The following ZRANB1 variants were observed in gnomAD, a reference collection of about 807,000 sequenced individuals.
The protein encoded by ZRANB1 is zinc finger RANBP2-type containing 1.
A neutral mutation model predicts 80.5 loss-of-function variants in ZRANB1; 16 were observed. That is an observed-to-expected ratio of 0.20 (90% CI 0.13 to 0.30). ZRANB1 has a LOEUF of 0.30. Among genes scored for constraint, ZRANB1 ranks in the 10% least tolerant of loss-of-function variants. The probability of loss-of-function intolerance (pLI) is 1.00; values close to 1 mark genes in which losing one functional copy is unlikely to be tolerated. For missense variants in ZRANB1, 576 were observed against 862.6 expected (o/e 0.67, Z 4.16); for synonymous variants, 291 against 293.1 (o/e 0.99, Z 0.07).
At chr10:124,978,699 C>G (rs987271848) in intron 5 of ZRANB1, among the ~76,000 whole-genome samples, 1 of 151,886 alleles carries the variant, frequency 6.6e-6, no homozygotes, top group African/African-American at 2.4e-5. Flanking sequence ...GATCTTGGCT[C>G]ACTGTAACCT....
At chr10:124,927,826 C>G in the ZRANB1 span, among the ~76,000 whole-genome samples, 1 of 152,180 alleles carries the variant, frequency 6.6e-6, no homozygotes, top group East Asian at 1.9e-4. Flanking sequence ...CACTTGAGGC[C>G]AGGAGTTGGA....
intron 8 of ZRANB1, among the ~76,000 whole-genome samples, chr10:124,984,068 G>A (rs923533762): frequency 6.6e-5 from 10 of 152,120 alleles, no homozygotes; most frequent in African/African-American, 2.4e-4. Flanking sequence ...AGGGAGGAAG[G>A]GAGAAGAGGT....
At chr10:124,980,848 A>G (rs1406408722) in intron 5 of ZRANB1, among the ~76,000 whole-genome samples, 1 of 152,164 alleles carries the variant, frequency 6.6e-6, no homozygotes, top group Non-Finnish European at 1.5e-5. Context: ...ACCTCAGGCA[A>G]TCCTCCTCCT....
chr10:124,982,464 A>G (rs906588220), intron 6 of ZRANB1, among the ~76,000 whole-genome samples: 4 of 152,216 alleles, frequency 2.6e-5, no homozygotes, highest in Admixed American at 2.0e-4. Flanking sequence ...TTATTAATGA[A>G]GGCTGCTTGT....
intron 5 of ZRANB1, among the ~76,000 whole-genome samples, chr10:124,978,505 T>G (rs536739926): frequency 2.6e-5 from 4 of 152,346 alleles, no homozygotes; most frequent in Admixed American, 2.0e-4. Context: ...TGACTCAGGT[T>G]CTCAAGTCTG....
the ZRANB1 span, among the ~76,000 whole-genome samples, chr10:124,921,282 G>T: frequency 2.0e-5 from 3 of 152,170 alleles, no homozygotes; most frequent in Non-Finnish European, 4.4e-5. Context: ...GCCTCAGTTT[G>T]TATTCTTAAC....
chr10:124,931,370 T>A, the ZRANB1 span, among the ~76,000 whole-genome samples: 3 of 152,016 alleles, frequency 2.0e-5, no homozygotes, highest in Non-Finnish European at 4.4e-5. Context: ...TTAAATACTC[T>A]CCGTTATTAT....
In ZRANB1 at chr10:124,966,778, A is replaced by G. The variant is rs1343637333; in HGVS notation, c.999A>G (p.Thr333=). 1.2e-6 allele frequency: 2 copies of G among 1,610,338 alleles called. No individual in the cohort carries two copies. Among genetic ancestry groups the G allele is most frequent in the Admixed American group, 3.3e-5 (2 of 59,806 alleles). The change falls in exon 2 of 9, where the codon ACA becomes ACG. Residue 333 remains threonine, a synonymous_variant. Coordinates refer to ENST00000359653, the MANE Select transcript of ZRANB1 (RefSeq NM_017580.3). The part of the protein sequence containing the change: ...QRQDMLAILL[T]EVSQQAAKCI... ...AGGATATGCTAGCAATATTGCTTAC[A>G]GAGGTAAGTTTGGCGTTTTGGTTAA... is the stretch of plus-strand genomic sequence containing the variant.
At chr10:124,934,657 T>A in the ZRANB1 span, among the ~76,000 whole-genome samples, 1 of 152,216 alleles carries the variant, frequency 6.6e-6, no homozygotes, top group East Asian at 1.9e-4. Context: ...GTTTTGGACA[T>A]GTTAAGTGTG....
In ZRANB1 at chr10:124,942,343, C is replaced by A. The variant is rs1258981753; in HGVS notation, c.-151C>A. 3 of 1,435,026 alleles carry A rather than the reference C, an allele frequency of 2.1e-6. No homozygotes were observed. Among genetic ancestry groups the A allele is most frequent in the Non-Finnish European group, 1.8e-6 (2 of 1,098,998 alleles). 88.9% of individuals were successfully genotyped at this position (1,435,026 alleles called of 1,614,324 possible). The stretch of plus-strand genomic sequence containing the variant: ...AGGATAATTCAATGTCGAAATGTTG[C>A]ATGCATCTTTTGAGAAATTTATATT... On this transcript the variant is annotated 5_prime_UTR_variant, in exon 1 of 9. An upstream open reading frame in the 5' UTR gains an earlier in-frame stop. Coordinates refer to ENST00000359653, the MANE Select transcript of ZRANB1 (RefSeq NM_017580.3).
chr10:124,974,428 C>T, intron 5 of ZRANB1, 30 bp downstream of exon 5: 1 of 1,610,048 alleles, frequency 6.2e-7, no homozygotes, highest in South Asian at 1.1e-5. Context: ...TGTTTCAACC[C>T]AGGAGTGCAT....
chr10:124,975,136 A>C (rs1219524469), intron 5 of ZRANB1, among the ~76,000 whole-genome samples: 1 of 152,184 alleles, frequency 6.6e-6, no homozygotes, highest in Non-Finnish European at 1.5e-5. Context: ...GGTTATCTTG[A>C]CATTGTGTTA....
At chr10:124,920,410 A>T in the ZRANB1 span, among the ~76,000 whole-genome samples, 16 of 152,284 alleles carry the variant, frequency 1.1e-4, no homozygotes, top group African/African-American at 3.9e-4. Context: ...ACATCACAAC[A>T]TAAAGACTTA....
chr10:124,984,082 A>G (rs934874806), intron 8 of ZRANB1, among the ~76,000 whole-genome samples: 76 of 152,054 alleles, frequency 5.0e-4, no homozygotes, highest in African/African-American at 1.6e-3. Context: ...AAGAGGTCAG[A>G]GAGGATAGGG....
chr10:124,975,603 A>G (rs967824338), intron 5 of ZRANB1, among the ~76,000 whole-genome samples: 2 of 152,118 alleles, frequency 1.3e-5, no homozygotes, highest in Non-Finnish European at 2.9e-5. Context: ...CTTATGTGGT[A>G]TTTTTTTGGT....
At chr10:124,984,680 G>A in intron 8 of ZRANB1, 94 bp from the exon 9 acceptor site, 1 of 1,308,328 alleles carries the variant, frequency 7.6e-7, no homozygotes. Context: ...CTTTTCATGA[G>A]TTAGCATACC....
At chr10:124,965,485 A>G (rs1951768948) in intron 1 of ZRANB1, among the ~76,000 whole-genome samples, 1 of 152,192 alleles carries the variant, frequency 6.6e-6, no homozygotes, top group Admixed American at 6.5e-5. Context: ...ATTATTTTGA[A>G]GCCTTGTTAT....
At chr10:124,947,575 T>C (rs568644005) in intron 1 of ZRANB1, among the ~76,000 whole-genome samples, 5 of 152,196 alleles carry the variant, frequency 3.3e-5, no homozygotes, top group Non-Finnish European at 5.9e-5. Context: ...CAGCTGCCTA[T>C]TCAGCATCTT....
At chr10:124,930,683 A>G in the ZRANB1 span, among the ~76,000 whole-genome samples, 1 of 152,226 alleles carries the variant, frequency 6.6e-6, no homozygotes, top group Non-Finnish European at 1.5e-5. Context: ...ATTAAAGGGA[A>G]ATATTATAGG....
Sources: gnomAD v4.1 joint callset for allele counts (sites outside exome capture counted in the v4.1 genomes callset) on GRCh38, gnomAD v4.1.1 for gene constraint, MANE v1.5 for transcripts, NCBI Gene and HGNC (gene_info 2026-07-23, HGNC 2026-07-21) for gene names.